The following SNX29 variants were observed in gnomAD, a reference collection of about 807,000 sequenced individuals.
The protein encoded by SNX29 is sorting nexin-29.
In SNX29, 78 loss-of-function variants were observed where a neutral mutation model predicts 102.1. The ratio of observed to expected loss-of-function variants is 0.76; its 90% confidence interval spans 0.64 to 0.92. The LOEUF (loss-of-function observed/expected upper bound fraction) is 0.92, where lower values mean the gene tolerates loss of function less well. Among genes scored for constraint, SNX29 ranks in the 40% least tolerant of loss-of-function variants. The probability of loss-of-function intolerance (pLI) is 0.00; values close to 1 mark genes in which losing one functional copy is unlikely to be tolerated. For synonymous variants in SNX29, 580 were observed against 414.5 expected (o/e 1.40, Z -4.85); for missense variants, 1,280 against 1,061.7 (o/e 1.21, Z -2.86).
At chr16:12,552,334 G>T (rs924488488) in intron 20 of SNX29, among the ~76,000 whole-genome samples, 4 of 152,160 alleles carry the variant, frequency 2.6e-5, no homozygotes, top group Non-Finnish European at 5.9e-5. Flanking sequence ...CTCCTCTCCT[G>T]GCTTCTGTGA....
At chr16:12,562,735 T>C (rs1463483091) in intron 20 of SNX29, among the ~76,000 whole-genome samples, 1 of 152,244 alleles carries the variant, frequency 6.6e-6, no homozygotes, top group African/African-American at 2.4e-5. Context: ...TTCTCGCTTT[T>C]ATGGCATAGT....
intron 1 of SNX29, among the ~76,000 whole-genome samples, chr16:11,985,077 G>C (rs1489945471): frequency 6.6e-6 from 1 of 151,712 alleles, no homozygotes; most frequent in Non-Finnish European, 1.5e-5. Flanking sequence ...CATTAACATC[G>C]AAGAGTTTAT....
rs544871961 is a variant in SNX29, at chr16:12,558,769, C to T, written c.2319-9737C>T. 2.3e-4 allele frequency among the ~76,000 whole-genome samples: 35 copies of T among 152,348 alleles called. No individual in the cohort carries two copies. In the South Asian group the frequency reaches 3.3e-3, roughly 14 times the overall value. Reference sequence around the variant, plus strand: ...TCCCAGGCCCATTGGGTGATCATCCCGCATTGTACAACCTGAAGCAGTTTA... The same window carrying T: ...TCCCAGGCCCATTGGGTGATCATCCTGCATTGTACAACCTGAAGCAGTTTA... On this transcript the variant is annotated intron_variant, in intron 20 of 20. Transcript: ENST00000566228.
chr16:12,339,056 C>T (rs932675227), intron 15 of SNX29, among the ~76,000 whole-genome samples: 1 of 152,134 alleles, frequency 6.6e-6, no homozygotes, highest in Non-Finnish European at 1.5e-5. Flanking sequence ...AAGAGACCTG[C>T]GCCATCATGA....
Position 12,570,544 on chromosome 16 carries a change from T to G in SNX29, c.*1915T>G, listed in dbSNP as rs958785024. The G allele has an allele frequency of 2.2e-5, 5 of 232,306 alleles. No individual in the cohort carries two copies. Among genetic ancestry groups the G allele is most frequent in the Non-Finnish European group, 4.3e-5 (5 of 117,540 alleles). The allele number at this position is 232,306 out of a possible 1,614,324, so 14.4% of individuals were successfully genotyped here. ...CGGTCATTTTGAAGTAGGTGTTTGA[T>G]GCCAGCTCAGAGACTGTCTCAGGAG... On this transcript the variant is annotated 3_prime_UTR_variant, in exon 21 of 21. Transcript: ENST00000566228.
intron 16 of SNX29, among the ~76,000 whole-genome samples, chr16:12,364,740 A>G (rs1418399703): frequency 2.0e-5 from 3 of 152,176 alleles, no homozygotes; most frequent in East Asian, 1.9e-4. Flanking sequence ...TTTTGGTCCC[A>G]CTGGCAAGGC....
At chr16:12,550,706 GCT>G (rs1172895166) in intron 20 of SNX29, among the ~76,000 whole-genome samples, 2 of 152,124 alleles carry the variant, frequency 1.3e-5, no homozygotes, top group African/African-American at 2.4e-5. Context: ...CCCCCCTCAT[GCT>G]CTTATTCTAC....
intron 14 of SNX29, among the ~76,000 whole-genome samples, chr16:12,231,878 C>CT (rs34325677): frequency 6.6e-6 from 1 of 152,188 alleles, no homozygotes; most frequent in Non-Finnish European, 1.5e-5. Flanking sequence ...GGAATACTTA[C>CT]TTTTTTCTGT....
intron 14 of SNX29, among the ~76,000 whole-genome samples, chr16:12,214,083 G>C (rs1026971501): frequency 2.0e-5 from 3 of 152,126 alleles, no homozygotes; most frequent in Non-Finnish European, 4.4e-5. Flanking sequence ...TCGTCTCTCT[G>C]GCGACCTCCA....
chr16:12,552,020 G>A (rs569666868), intron 20 of SNX29, among the ~76,000 whole-genome samples: 11 of 152,182 alleles, frequency 7.2e-5, no homozygotes, highest in Admixed American at 3.3e-4. Flanking sequence ...TCTAAAAAAC[G>A]TGGCAAGTCC....
rs1316756670 is a variant in SNX29 at position 12,008,747 on chromosome 16, TC to T, written c.122+5705del. Among the ~76,000 whole-genome samples the T allele has an allele frequency of 6.1e-3, 874 of 142,588 alleles. 10 individuals carry two copies. Among genetic ancestry groups the T allele is most frequent in the African/African-American group, 0.016 (658 of 40,284 alleles). The allele number at this position is 142,588 out of a possible 152,430, so 93.5% of individuals were successfully genotyped here. On this transcript the variant is annotated intron_variant, in intron 3 of 20. Transcript: ENST00000566228. ...TTGTATTTAGTTTTTTTTTTTTTTTTCTTTTTTAACTTGAGATGGAGCCTTG... is the reference window on the plus strand; with the variant it reads ...TTGTATTTAGTTTTTTTTTTTTTTTTTTTTTTAACTTGAGATGGAGCCTTG...
chr16:12,252,726 C>T (rs1044631504), intron 14 of SNX29, among the ~76,000 whole-genome samples: 6 of 152,298 alleles, frequency 3.9e-5, no homozygotes, highest in East Asian at 1.9e-4. Flanking sequence ...GTGCCTGTTC[C>T]GCTTCCCTGG....
chr16:12,524,933 G>A, intron 20 of SNX29, 92 bp downstream of exon 20: 19 of 1,524,402 alleles, frequency 1.2e-5, no homozygotes, highest in Middle Eastern at 1.8e-4. Context: ...GCGGCTCTCC[G>A]TGATGCCCTG....
At chr16:12,308,344 C>T (rs957492893) in intron 15 of SNX29, among the ~76,000 whole-genome samples, 1 of 152,208 alleles carries the variant, frequency 6.6e-6, no homozygotes, top group African/African-American at 2.4e-5. Context: ...ACGTTTCCCT[C>T]ATGGGGTGTG....
At chr16:12,039,009 T>C (rs1246794763) in intron 4 of SNX29, among the ~76,000 whole-genome samples, 1 of 152,168 alleles carries the variant, frequency 6.6e-6, no homozygotes, top group African/African-American at 2.4e-5. Flanking sequence ...CATTTAGGGA[T>C]TGAGACACAA....
At chr16:12,329,156 G>A (rs995774382) in intron 15 of SNX29, among the ~76,000 whole-genome samples, 4 of 150,370 alleles carry the variant, frequency 2.7e-5, no homozygotes, top group Non-Finnish European at 5.9e-5. Flanking sequence ...GCGTACCTGT[G>A]GTCCCAGCTA....
chr16:12,108,982 G>C (rs1168343804), intron 11 of SNX29, among the ~76,000 whole-genome samples: 1 of 151,798 alleles, frequency 6.6e-6, no homozygotes, highest in East Asian at 1.9e-4. Flanking sequence ...ACAAAAATTA[G>C]CTGGGTGCTG....
intron 15 of SNX29, among the ~76,000 whole-genome samples, chr16:12,278,758 A>G (rs2079337605): frequency 6.6e-6 from 1 of 152,232 alleles, no homozygotes; most frequent in African/African-American, 2.4e-5. Flanking sequence ...CAAAAATTCT[A>G]GAAAGTCATT....
At chr16:12,520,023 TA>T (rs1053007253) in intron 19 of SNX29, among the ~76,000 whole-genome samples, 1 of 151,778 alleles carries the variant, frequency 6.6e-6, no homozygotes, top group Non-Finnish European at 1.5e-5. Context: ...ATAATAATAA[TA>T]AAAAAGTAAG....
Sources: gnomAD v4.1 joint callset for allele counts (sites outside exome capture counted in the v4.1 genomes callset) on GRCh38, gnomAD v4.1.1 for gene constraint, MANE v1.5 for transcripts, NCBI Gene and HGNC (gene_info 2026-07-23, HGNC 2026-07-21) for gene names.